The following SNRPN variants were observed in gnomAD, a reference collection of about 807,000 sequenced individuals.
The protein encoded by SNRPN is small nuclear ribonucleoprotein polypeptide N, also known as small nuclear ribonucleoprotein-associated protein N.
In SNRPN, 7 loss-of-function variants were observed where a neutral mutation model predicts 25.2. That is an observed-to-expected ratio of 0.28 (90% CI 0.16 to 0.52). The LOEUF is 0.52. Among genes scored for constraint, SNRPN ranks in the 20% least tolerant of loss-of-function variants. The pLI is 0.96. For synonymous variants in SNRPN, 124 were observed against 110.6 expected (o/e 1.12, Z -0.76); for missense variants, 196 against 322.5 (o/e 0.61, Z 3.00).
chr15:24,927,877 A>G (rs1051962578), intron 3 of SNRPN, among the ~76,000 whole-genome samples: 2 of 152,150 alleles, frequency 1.3e-5, no homozygotes, highest in Non-Finnish European at 2.9e-5. Context: ...GCTTGAGTCC[A>G]TCTGAAGTGT....
intron 2 of SNRPN, among the ~76,000 whole-genome samples, chr15:24,891,472 G>C (rs986942254): frequency 6.7e-6 from 1 of 149,846 alleles, no homozygotes; most frequent in East Asian, 2.0e-4. Context: ...GATTCTCGCT[G>C]TGTTGCCCAG....
At chr15:24,950,814 T>C (rs886176839), upstream of SNRPN, among the ~76,000 whole-genome samples, 3 of 151,764 alleles carry the variant, frequency 2.0e-5, no homozygotes, top group African/African-American at 4.8e-5. Flanking sequence ...TCCCAAAGGA[T>C]TGGGATTACA....
intron 3 of SNRPN, among the ~76,000 whole-genome samples, chr15:24,933,969 T>C (rs995555101): frequency 1.3e-5 from 2 of 152,176 alleles, no homozygotes; most frequent in African/African-American, 4.8e-5. Context: ...TATGCATACA[T>C]GTATGGCTTG....
At chr15:24,951,595 C>T (rs753715207), upstream of SNRPN, among the ~76,000 whole-genome samples, 11 of 151,596 alleles carry the variant, frequency 7.3e-5, no homozygotes, top group Non-Finnish European at 1.6e-4. Context: ...GCAATCTCTG[C>T]CTCCTGGGTT....
upstream of SNRPN, among the ~76,000 whole-genome samples, chr15:24,853,009 C>CTGATCT (rs2053022588): frequency 6.6e-6 from 1 of 152,012 alleles, no homozygotes; most frequent in Admixed American, 6.6e-5. Context: ...ATAGGGAATT[C>CTGATCT]CAAATATATT....
upstream of SNRPN, among the ~76,000 whole-genome samples, chr15:24,952,743 A>C (rs957109865): frequency 6.6e-6 from 1 of 152,182 alleles, no homozygotes; most frequent in Admixed American, 6.5e-5. Context: ...ATTTAATTTT[A>C]ATAATACTTT....
At chr15:24,839,506 T>C (rs1191964279) in intron 2 of SNRPN, among the ~76,000 whole-genome samples, 4 of 152,116 alleles carry the variant, frequency 2.6e-5, no homozygotes, top group Admixed American at 6.5e-5. Flanking sequence ...AGTCACTCAA[T>C]TGCCATTCCC....
intron 1 of SNRPN, among the ~76,000 whole-genome samples, chr15:24,866,850 C>G (rs757069759): frequency 6.6e-6 from 1 of 152,048 alleles, no homozygotes; most frequent in Non-Finnish European, 1.5e-5. Context: ...ACCATGTTGT[C>G]GCAAATGACA....
chr15:24,868,878 G>A (rs12900945), intron 1 of SNRPN, among the ~76,000 whole-genome samples: 31,918 of 151,884 alleles, frequency 0.21, 3,684 homozygotes, highest in East Asian at 0.35. Context: ...AGCTCACACC[G>A]GTAATCCCAG....
In SNRPN at chr15:24,895,008, G is replaced by GT. The variant is rs150615871; in HGVS notation, c.-505+8427dup. On this transcript the variant is annotated intron_variant, in intron 2 of 11. Coordinates refer to the SNRPN transcript ENST00000400097. Reference sequence around the variant, plus strand: ...CCAAAAGAAGCAGTTAAACCTGAGTGTTTTTTTTGCTGGTCTGATGAAGAG... The same window carrying GT: ...CCAAAAGAAGCAGTTAAACCTGAGTGTTTTTTTTTGCTGGTCTGATGAAGAG... Among the ~76,000 whole-genome samples, 144 of 151,954 alleles carry GT rather than the reference G, an allele frequency of 9.5e-4. 4 individuals are homozygous for GT. The highest frequency in any genetic ancestry group is 4.4e-4 in the Non-Finnish European group (30 of 67,976).
intron 3 of SNRPN, among the ~76,000 whole-genome samples, chr15:24,931,728 C>T (rs2060870985): frequency 6.7e-6 from 1 of 149,124 alleles, no homozygotes; most frequent in African/African-American, 2.5e-5. Flanking sequence ...GTCCCAGCTA[C>T]TCAGGGGGCT....
At chr15:24,959,076 T>C (rs2074355828) in intron 1 of SNRPN, among the ~76,000 whole-genome samples, 1 of 152,232 alleles carries the variant, frequency 6.6e-6, no homozygotes, top group Non-Finnish European at 1.5e-5. Context: ...ATTTAGGCCG[T>C]AATAAAATTG....
At chr15:24,958,457 C>T (rs1230354491) in intron 1 of SNRPN, among the ~76,000 whole-genome samples, 1 of 124,518 alleles carries the variant, frequency 8.0e-6, no homozygotes, top group African/African-American at 3.0e-5. Flanking sequence ...GGTAGCCTCT[C>T]TCCATTTCTG....
At position 24,868,098 on chromosome 15, in the gene SNRPN, T is replaced by C. The variant is rs555769626; in HGVS notation, c.-579+11382T>C. Among the ~76,000 whole-genome samples, 120 of 149,694 alleles carry C rather than the reference T, an allele frequency of 8.0e-4. 1 individual carries two copies. The highest frequency in any genetic ancestry group is 6.8e-3 in the Middle Eastern group (2 of 292). Reference sequence around the variant, plus strand: ...CTTATGTTTATAGTTTGAGTGTGTGTGCATGTATATGGGTGTGTGTGTGTA... The same window carrying C: ...CTTATGTTTATAGTTTGAGTGTGTGCGCATGTATATGGGTGTGTGTGTGTA... On this transcript the variant is annotated intron_variant, in intron 1 of 11. Transcript: ENST00000400097.
Position 24,955,795 on chromosome 15 carries a change from G to T in SNRPN, c.-391+733G>T, listed in dbSNP as rs908612853. On this transcript the variant is annotated intron_variant, in intron 1 of 9. Coordinates refer to ENST00000390687, the MANE Select transcript of SNRPN (RefSeq NM_003097.6). The stretch of plus-strand genomic sequence containing the variant: ...GGCGGTGGGCATTGGCAGCGGGTAG[G>T]CATGGCGGTGGTGGACTTTGGCGGC... 6.6e-5 allele frequency among the ~76,000 whole-genome samples: 10 copies of T among 151,144 alleles called. No homozygotes were observed. In the South Asian group the frequency reaches 1.9e-3, roughly 29 times the overall value.
intron 3 of SNRPN, chr15:24,942,167 C>G (rs1428349549): frequency 6.6e-6 from 1 of 152,160 alleles, no homozygotes; most frequent in African/African-American, 2.4e-5. Context: ...GACTGCCAGA[C>G]CAGAAGAGTA....
At chr15:24,904,038 CAAA>C (rs772062635) in intron 2 of SNRPN, among the ~76,000 whole-genome samples, 5 of 109,814 alleles carry the variant, frequency 4.6e-5, no homozygotes, top group Admixed American at 1.9e-4. Flanking sequence ...AGTCCTGTCT[CAAA>C]AAAAAAAAAA....
At chr15:24,966,377 T>C (rs2075639608) in intron 2 of SNRPN, among the ~76,000 whole-genome samples, 3 of 152,196 alleles carry the variant, frequency 2.0e-5, no homozygotes, top group Admixed American at 2.0e-4. Flanking sequence ...ATGCATTACC[T>C]GCACATTAGC....
chr15:24,922,329 C>G (rs763381361), intron 3 of SNRPN, among the ~76,000 whole-genome samples: 2 of 152,208 alleles, frequency 1.3e-5, no homozygotes, highest in African/African-American at 2.4e-5. Flanking sequence ...ATCCTCTACA[C>G]ATTTCACTGA....
Sources: allele counts gnomAD v4.1 joint callset (sites outside exome capture counted in the v4.1 genomes callset), GRCh38; gene constraint gnomAD v4.1.1; transcripts MANE v1.5; gene names NCBI Gene and HGNC (gene_info 2026-07-23, HGNC 2026-07-21).